NIBAN1: variants seen among roughly 807,000 people sequenced by gnomAD.
NIBAN1 encodes the protein niban apoptosis regulator 1.
NIBAN1 carries 81 observed loss-of-function variants against 75.1 expected under a neutral mutation model. The ratio of observed to expected loss-of-function variants is 1.08; its 90% CI spans 0.90 to 1.30. The LOEUF (loss-of-function observed/expected upper bound fraction) is 1.30, where lower values mean the gene tolerates loss of function less well. NIBAN1 is among the 50% of genes most tolerant of loss of function. The pLI, the probability that NIBAN1 is intolerant of heterozygous loss-of-function variation, is 0.00. For synonymous variants in NIBAN1, 436 were observed against 424.8 expected, an observed-to-expected ratio of 1.03 and a Z score of -0.32; for missense variants, 1,133 against 1,128.1, an observed-to-expected ratio of 1.00 and a Z score of -0.06.
intron 1 of NIBAN1, among the ~76,000 whole-genome samples, chr1:184,911,778 T>A (rs181696773): frequency 1.3e-5 from 2 of 152,358 alleles, no homozygotes; most frequent in Admixed American, 1.3e-4. Flanking sequence ...CATTGAGTTA[T>A]AGACTACTAT....
intron 5 of NIBAN1, among the ~76,000 whole-genome samples, chr1:184,838,975 C>T (rs1188682681): frequency 6.6e-6 from 1 of 152,186 alleles, no homozygotes; most frequent in Non-Finnish European, 1.5e-5. Flanking sequence ...GGTCAGATGT[C>T]ATCTTTCCTA....
intron 1 of NIBAN1, among the ~76,000 whole-genome samples, chr1:184,957,665 A>G (rs1658524902): frequency 6.6e-6 from 1 of 152,178 alleles, no homozygotes; most frequent in Non-Finnish European, 1.5e-5. Flanking sequence ...TTATTACATT[A>G]TATTATTCAT....
At position 184,879,055 on chromosome 1, in the gene NIBAN1, T is replaced by G. The variant is rs145905700; in HGVS notation, c.601+5578A>C. On this transcript the variant is annotated intron_variant, in intron 5 of 13. Coordinates refer to ENST00000367511, the MANE Select transcript of NIBAN1 (RefSeq NM_052966.4). ...GTGAGGCAAAGAGCACAGGCTAAAC[T>G]CCAGAAGAGAATGTAGCTCAAGCAG... Among the ~76,000 whole-genome samples the G allele has an allele frequency of 1.2e-3, 189 of 152,264 alleles. 2 individuals are homozygous for G. The East Asian group carries it at 0.034, about 27-fold the overall frequency.
At chr1:184,914,304 A>G (rs1474339939) in intron 1 of NIBAN1, among the ~76,000 whole-genome samples, 1 of 152,366 alleles carries the variant, frequency 6.6e-6, no homozygotes, top group Non-Finnish European at 1.5e-5. Context: ...AGGGAATATA[A>G]CGGGATTCCT....
intron 1 of NIBAN1, among the ~76,000 whole-genome samples, chr1:184,919,521 G>A (rs1214841300): frequency 2.0e-5 from 3 of 152,134 alleles, no homozygotes; most frequent in African/African-American, 7.2e-5. Flanking sequence ...CGTTTAAACG[G>A]TCTTAATATC....
chr1:184,917,120 C>G (rs1657404218), intron 1 of NIBAN1, among the ~76,000 whole-genome samples: 1 of 152,166 alleles, frequency 6.6e-6, no homozygotes, highest in Non-Finnish European at 1.5e-5. Flanking sequence ...CTTGGCTCCG[C>G]TGCAGACAAA....
At chr1:184,798,318 G>C in intron 12 of NIBAN1, 128 bp from the exon 13 acceptor site, 2 of 557,892 alleles carry the variant, frequency 3.6e-6, no homozygotes, top group Non-Finnish European at 6.3e-6. Flanking sequence ...GACCATGTTG[G>C]CCCAGGGGCA....
chr1:184,858,014 AG>A (rs1655722350), intron 5 of NIBAN1, among the ~76,000 whole-genome samples: 2 of 152,222 alleles, frequency 1.3e-5, no homozygotes, highest in African/African-American at 4.8e-5. Context: ...TTCTAAACAC[AG>A]GCAGAAAATC....
At position 184,795,846 on chromosome 1, in the gene NIBAN1, G is replaced by T; in HGVS notation, c.1918C>A (p.Leu640Ile). Residue 640 changes from leucine (L) to isoleucine (I), a missense_variant, in exon 14 of 14, where the codon CTT (leucine) becomes ATT (isoleucine). Leu to Ile is a conservative substitution (Grantham distance 5). Transcript: ENST00000367511. The stretch of plus-strand genomic sequence containing the variant: ...GGTGGGCTTGGCCCAGGGAGAGAAA[G>T]GCTTTCTCCTTTGGCCAACGAGCTA... ...VPSSLAKGES[L>I]SLPGPSPPPD... 6.2e-7 allele frequency: 1 copy of T among 1,610,382 alleles called. No individual in the cohort carries two copies. The highest frequency in any genetic ancestry group is 1.1e-5 in the South Asian group (1 of 90,598).
intron 3 of NIBAN1, among the ~76,000 whole-genome samples, chr1:184,891,363 C>G (rs1300180705): frequency 2.6e-5 from 4 of 152,142 alleles, no homozygotes; most frequent in African/African-American, 9.7e-5. Flanking sequence ...GCTCTAAGAA[C>G]TCCCACAGAG....
At chr1:184,918,457 C>T (rs868232756) in intron 1 of NIBAN1, among the ~76,000 whole-genome samples, 1 of 152,166 alleles carries the variant, frequency 6.6e-6, no homozygotes, top group African/African-American at 2.4e-5. Flanking sequence ...AAGTTGGTCC[C>T]AACCCACCTG....
chr1:184,897,641 C>T (rs190773115), intron 2 of NIBAN1, among the ~76,000 whole-genome samples: 40 of 152,300 alleles, frequency 2.6e-4, no homozygotes, highest in African/African-American at 9.4e-4. Context: ...ATCTAATGGC[C>T]TATTCAACAT....
At chr1:184,948,535 A>C (rs1293289241) in intron 1 of NIBAN1, among the ~76,000 whole-genome samples, 4 of 152,208 alleles carry the variant, frequency 2.6e-5, no homozygotes, top group Non-Finnish European at 4.4e-5. Context: ...ATTCTAAGAA[A>C]GTGATCAGAG....
At chr1:184,890,087 A>G (rs1055195194) in intron 4 of NIBAN1, 21 bp downstream of exon 4, 33 of 1,575,012 alleles carry the variant, frequency 2.1e-5, no homozygotes, top group African/African-American at 5.4e-5. Context: ...TTGCCTTGGA[A>G]AAGAATGATC....
chr1:184,880,742 A>G (rs1656356476), intron 5 of NIBAN1, among the ~76,000 whole-genome samples: 1 of 152,182 alleles, frequency 6.6e-6, no homozygotes, highest in Non-Finnish European at 1.5e-5. Flanking sequence ...ACTATAACCC[A>G]TAACTACAAT....
intron 6 of NIBAN1, among the ~76,000 whole-genome samples, chr1:184,826,764 A>T (rs537302802): frequency 6.6e-6 from 1 of 152,218 alleles, no homozygotes; most frequent in Admixed American, 6.5e-5. Context: ...TTTCCCACAC[A>T]ATGTTCCAAG....
intron 5 of NIBAN1, among the ~76,000 whole-genome samples, chr1:184,875,763 A>G (rs1656216320): frequency 6.6e-6 from 1 of 152,264 alleles, no homozygotes; most frequent in Non-Finnish European, 1.5e-5. Context: ...GAGAAAACAA[A>G]GCCAGCGAAA....
At chr1:184,958,885 T>G (rs542382773) in intron 1 of NIBAN1, among the ~76,000 whole-genome samples, 1 of 152,368 alleles carries the variant, frequency 6.6e-6, no homozygotes, top group East Asian at 1.9e-4. Context: ...CCATTGTTGC[T>G]CATAAAATTT....
intron 5 of NIBAN1, among the ~76,000 whole-genome samples, chr1:184,870,353 C>T (rs947241673): frequency 2.0e-5 from 3 of 152,122 alleles, no homozygotes; most frequent in Admixed American, 6.5e-5. Context: ...ACACATAACA[C>T]GTAGGATATA....
Sources: allele counts gnomAD v4.1 joint callset (sites outside exome capture counted in the v4.1 genomes callset), GRCh38; gene constraint gnomAD v4.1.1; transcripts MANE v1.5; gene names NCBI Gene and HGNC (gene_info 2026-07-23, HGNC 2026-07-21).